The following SIGLEC7 variants were observed in gnomAD, a reference collection of about 807,000 sequenced individuals.
SIGLEC7 encodes sialic acid binding Ig like lectin 7, also known as sialic acid-binding Ig-like lectin 7.
Under a neutral mutation model 40.8 loss-of-function variants are expected in SIGLEC7, and 33 were observed. That is an observed-to-expected ratio of 0.81 (90% CI 0.61 to 1.08). SIGLEC7 has a LOEUF of 1.08. SIGLEC7 is among the 50% of genes least tolerant of loss of function. The pLI, the probability that SIGLEC7 is intolerant of heterozygous loss-of-function variation, is 0.00. For synonymous variants in SIGLEC7, 242 were observed against 237.6 expected, an observed-to-expected ratio of 1.02 and a Z score of -0.17; for missense variants, 513 against 576.1, an observed-to-expected ratio of 0.89 and a Z score of 1.12.
chr19:51,145,038 G>A lies in SIGLEC7; in HGVS notation c.760+79G>A. The A allele has an allele frequency of 4.3e-6, 6 of 1,388,142 alleles. No homozygotes were observed. Among genetic ancestry groups the A allele is most frequent in the Non-Finnish European group, 6.1e-6 (6 of 975,748 alleles). The allele number at this position is 1,388,142 out of a possible 1,614,324, so 86.0% of individuals were successfully genotyped here. On this transcript the variant is annotated intron_variant, in intron 3 of 6. Transcript: ENST00000317643. This position sits in a 1 kb window ranked among gnomAD's most constrained non-coding sequence, Gnocchi z 4.3. ...CAGGGCCAGGTCCCTCCTCATCCTG[G>A]ACTCACCCTGGTGATATGAGACTCC...
At chr19:51,148,319 CT>C (rs1423731109) in intron 6 of SIGLEC7, among the ~76,000 whole-genome samples, 2 of 152,090 alleles carry the variant, frequency 1.3e-5, no homozygotes, top group East Asian at 3.8e-4. Flanking sequence ...TTATTTTTTT[CT>C]GTTCCTCTCT....
At chr19:51,144,264 TG>T in intron 1 of SIGLEC7, 141 bp from the exon 2 acceptor site, 1 of 1,429,608 alleles carries the variant, frequency 7.0e-7, no homozygotes, top group Non-Finnish European at 9.4e-7. Context: ...AGCGAAAGCC[TG>T]GGATGGGGCC....
chr19:51,150,672 T>C (rs1429966872), intron 6 of SIGLEC7, among the ~76,000 whole-genome samples: 1 of 152,202 alleles, frequency 6.6e-6, no homozygotes, highest in Non-Finnish European at 1.5e-5. Context: ...GAGTCAGTCT[T>C]CCTCCGTATT....
In SIGLEC7 at chr19:51,144,532, C is replaced by A. The variant is rs1438435508; in HGVS notation, c.560C>A (p.Thr187Asn). The change falls in exon 2 of 7, where the codon ACC becomes AAC. Residue 187 changes from threonine (T) to asparagine (N), a missense_variant. Physicochemically the swap from Thr to Asn is moderately conservative, Grantham distance 65. Coordinates refer to ENST00000317643, the MANE Select transcript of SIGLEC7 (RefSeq NM_014385.4). ...CCCCCTATGATCTCCTGGATGGGGACCTCTGTGTCCCCCCTGCACCCCTCC... is the reference window on the plus strand; with the variant it reads ...CCCCCTATGATCTCCTGGATGGGGAACTCTGTGTCCCCCCTGCACCCCTCC... ...GTPPMISWMGTSVSPLHPSTT... is the reference protein window; with the variant it reads ...GTPPMISWMGNSVSPLHPSTT... 6 of 1,613,906 alleles carry A rather than the reference C, an allele frequency of 3.7e-6. No individual in the cohort carries two copies. The highest frequency in any genetic ancestry group is 5.1e-6 in the Non-Finnish European group (6 of 1,180,008).
chr19:51,146,057 A>T lies in SIGLEC7; in HGVS notation c.963A>T (p.Arg321=). The T allele has an allele frequency of 2.5e-6, 4 of 1,614,192 alleles. No homozygotes were observed. Among genetic ancestry groups the T allele is most frequent in the Non-Finnish European group, 3.4e-6 (4 of 1,180,034 alleles). Residue 321 remains arginine (R), a synonymous_variant, in exon 4 of 7, where the codon CGA becomes CGT. Coordinates refer to ENST00000317643, the MANE Select transcript of SIGLEC7 (RefSeq NM_014385.4). The part of the protein sequence containing the change: ...HLGDEGEFTC[R]AQNSLGSQHV... ...GGGATGAAGGGGAATTCACCTGTCG[A>T]GCTCAGAACTCTCTGGGTTCCCAGC...
rs2092158141 is a variant in SIGLEC7 at position 51,153,426 on chromosome 19, G to GGGGAGA, written c.*182_*183insGGAGAG. The GGGGAGA allele has an allele frequency of 2.2e-6, 1 of 447,028 alleles. No individual in the cohort carries two copies. The highest frequency in any genetic ancestry group is 2.0e-5 in the African/African-American group (1 of 49,806). The allele number at this position is 447,028 out of a possible 1,614,324, so 27.7% of individuals were successfully genotyped here. On this transcript the variant is annotated 3_prime_UTR_variant, in exon 7 of 7. Transcript: ENST00000317643. Reference sequence around the variant, plus strand: ...AAACTCTCCCTTTCCCCATCCAATCGGTCCACACTCCCCGCCCTGGCCTCT... The same window carrying GGGGAGA: ...AAACTCTCCCTTTCCCCATCCAATCGGGGAGAGTCCACACTCCCCGCCCTGGCCTCT...
Position 51,142,771 on chromosome 19 carries a change from T to C in SIGLEC7, c.402T>C (p.Tyr134=). 6.2e-7 allele frequency: 1 copy of C among 1,606,742 alleles called. No individual in the cohort carries two copies. The highest frequency in any genetic ancestry group is 8.5e-7 in the Non-Finnish European group (1 of 1,175,832). The part of the protein sequence containing the change: ...RMEKGNIKWN[Y]KYDQLSVNVT... Reference sequence around the variant, plus strand: ...AGAAAGGAAATATAAAATGGAATTATAAATATGACCAGCTCTCTGTGAACG... The same window carrying C: ...AGAAAGGAAATATAAAATGGAATTACAAATATGACCAGCTCTCTGTGAACG... Residue 134 remains tyrosine, a synonymous_variant, in exon 1 of 7, where the codon TAT becomes TAC. Coordinates refer to ENST00000317643, the MANE Select transcript of SIGLEC7 (RefSeq NM_014385.4). This position sits in a 1 kb window ranked among gnomAD's most constrained non-coding sequence, Gnocchi z 5.0.
At position 51,153,425 on chromosome 19, in the gene SIGLEC7, C is replaced by T. The variant is rs2092158105; in HGVS notation, c.*180C>T. The T allele has an allele frequency of 8.9e-6, 4 of 449,756 alleles. No individual in the cohort carries two copies. The highest frequency in any genetic ancestry group is 3.6e-5 in the East Asian group (1 of 27,932). The allele number at this position is 449,756 out of a possible 1,614,324, so 27.9% of individuals were successfully genotyped here. On this transcript the variant is annotated 3_prime_UTR_variant, in exon 7 of 7. Transcript: ENST00000317643. ...CAAACTCTCCCTTTCCCCATCCAAT[C>T]GGTCCACACTCCCCGCCCTGGCCTC...
At position 51,153,390 on chromosome 19, in the gene SIGLEC7, G is replaced by A. The variant is rs1431672598; in HGVS notation, c.*145G>A. On this transcript the variant is annotated 3_prime_UTR_variant, in exon 7 of 7. Coordinates refer to ENST00000317643, the MANE Select transcript of SIGLEC7 (RefSeq NM_014385.4). ...TCCTCTTGTCTAACTGAAAATGCAT[G>A]CCTGATGACCAAACTCTCCCTTTCC... is the stretch of plus-strand genomic sequence containing the variant. 1 of 593,836 alleles carries A rather than the reference G, an allele frequency of 1.7e-6. No individual in the cohort carries two copies. The highest frequency in any genetic ancestry group is 3.9e-5 in the Admixed American group (1 of 25,438). 36.8% of individuals were successfully genotyped at this position (593,836 alleles called of 1,614,324 possible).
intron 6 of SIGLEC7, among the ~76,000 whole-genome samples, chr19:51,147,652 G>A (rs1035746515): frequency 6.6e-6 from 1 of 151,296 alleles, no homozygotes; most frequent in African/African-American, 2.4e-5. Flanking sequence ...CTCTCTCAAT[G>A]CTGAGGCCTG....
chr19:51,144,367 A>G (rs368716835), intron 1 of SIGLEC7, 39 bp from the exon 2 acceptor site: 45 of 1,565,756 alleles, frequency 2.9e-5, no homozygotes, highest in Non-Finnish European at 3.7e-5. Context: ...TGTACCATGG[A>G]TCCTCTGTCC....
intron 6 of SIGLEC7, among the ~76,000 whole-genome samples, chr19:51,148,987 A>G (rs1414784974): frequency 2.0e-5 from 3 of 152,114 alleles, no homozygotes; most frequent in Admixed American, 1.3e-4. Flanking sequence ...ATGTCTGTTC[A>G]TGTCCTTTGC....
intron 4 of SIGLEC7, 87 bp downstream of exon 4, chr19:51,146,208 C>T: frequency 6.6e-7 from 1 of 1,526,578 alleles, no homozygotes; most frequent in South Asian, 1.2e-5. Flanking sequence ...AGGGGGAGCT[C>T]AGCTCTGGTC....
At position 51,145,203 on chromosome 19, in the gene SIGLEC7, T is replaced by C. The variant is rs1278771320; in HGVS notation, c.760+244T>C. On this transcript the variant is annotated intron_variant, in intron 3 of 6. Coordinates refer to ENST00000317643, the MANE Select transcript of SIGLEC7 (RefSeq NM_014385.4). The surrounding 1 kb of genome is among the most constrained non-coding windows in gnomAD (Gnocchi z 4.3). ...CAGCCAGGACAGGGGGAAATACATA[T>C]AGCAGGAGCAGCCTTTGGGCCTCTT... is the stretch of plus-strand genomic sequence containing the variant. Among the ~76,000 whole-genome samples the C allele has an allele frequency of 2.6e-5, 4 of 152,160 alleles. No individual in the cohort carries two copies. Among genetic ancestry groups the C allele is most frequent in the Non-Finnish European group, 4.4e-5 (3 of 68,022 alleles).
rs779302755 is a variant in SIGLEC7 at position 51,144,506 on chromosome 19, G to A, written c.534G>A (p.Thr178=). Residue 178 remains threonine (T), a synonymous_variant, in exon 2 of 7, where the codon ACG becomes ACA. Transcript: ENST00000317643. ...TGCCCTGGGCCTGTGAGCAGGGGACGCCCCCTATGATCTCCTGGATGGGGA... is the reference window on the plus strand; with the variant it reads ...TGCCCTGGGCCTGTGAGCAGGGGACACCCCCTATGATCTCCTGGATGGGGA... The part of the protein sequence containing the change: ...CSVPWACEQG[T]PPMISWMGTS... 5.3e-5 allele frequency: 86 copies of A among 1,613,570 alleles called. No homozygotes were observed. The highest frequency in any genetic ancestry group is 3.3e-4 in the Middle Eastern group (2 of 6,082).
intron 6 of SIGLEC7, among the ~76,000 whole-genome samples, chr19:51,150,128 G>A (rs2092134604): frequency 6.6e-6 from 1 of 152,162 alleles, no homozygotes; most frequent in Non-Finnish European, 1.5e-5. Context: ...CTATTTGGAT[G>A]CTCTTTATTT....
intron 6 of SIGLEC7, among the ~76,000 whole-genome samples, chr19:51,148,514 A>G (rs1207711375): frequency 1.3e-5 from 2 of 152,156 alleles, no homozygotes; most frequent in Admixed American, 6.5e-5. Flanking sequence ...CAAAAGACAT[A>G]ATCTCATTCT....
chr19:51,146,369 G>A (rs2092108594), intron 4 of SIGLEC7, among the ~76,000 whole-genome samples: 1 of 152,130 alleles, frequency 6.6e-6, no homozygotes, highest in African/African-American at 2.4e-5. Flanking sequence ...GGGGAGACAC[G>A]TGCCTTGCTT....
At chr19:51,147,374 T>C in intron 6 of SIGLEC7, 57 bp downstream of exon 6, 1 of 1,500,002 alleles carries the variant, frequency 6.7e-7, no homozygotes, top group Non-Finnish European at 9.1e-7. Flanking sequence ...TCCCACAGGA[T>C]GGCCTCCAGG....
Sources: gnomAD v4.1 joint callset for allele counts (sites outside exome capture counted in the v4.1 genomes callset) on GRCh38, gnomAD v4.1.1 for gene constraint, Gnocchi (gnomAD v3.1) non-coding constraint, MANE v1.5 for transcripts, NCBI Gene and HGNC (gene_info 2026-07-23, HGNC 2026-07-21) for gene names.